The following PRKG1 variants were observed in gnomAD, a reference collection of about 807,000 sequenced individuals.
PRKG1 encodes the protein cGMP-dependent protein kinase 1.
Under a neutral mutation model 88.1 loss-of-function variants are expected in PRKG1, and 35 were observed. The ratio of observed to expected loss-of-function variants is 0.40; its 90% CI spans 0.30 to 0.53. The LOEUF (loss-of-function observed/expected upper bound fraction) is 0.53. Ranked by LOEUF, PRKG1 falls within the 20% of genes least tolerant of loss-of-function variation. The pLI is 0.59. For synonymous variants in PRKG1, 303 were observed against 292.5 expected (o/e 1.04, Z -0.37); for missense variants, 540 against 839.8 (o/e 0.64, Z 4.41).
chr10:52,083,695 A>AT (rs1054322527), intron 7 of PRKG1, among the ~76,000 whole-genome samples: 3 of 151,978 alleles, frequency 2.0e-5, no homozygotes, highest in African/African-American at 7.2e-5. Flanking sequence ...AGCAAAATCT[A>AT]TTTTTTCAGT....
At chr10:52,287,382 GA>G in intron 14 of PRKG1, among the ~76,000 whole-genome samples, 1 of 152,006 alleles carries the variant, frequency 6.6e-6, no homozygotes, top group South Asian at 2.1e-4. Flanking sequence ...AATCAAAGCA[GA>G]ATCCATCACA....
intron 3 of PRKG1, among the ~76,000 whole-genome samples, chr10:51,500,730 G>A (rs1213553338): frequency 6.6e-6 from 1 of 152,020 alleles, no homozygotes; most frequent in Non-Finnish European, 1.5e-5. Context: ...CCTTTACATT[G>A]GCTCACTTCA....
intron 9 of PRKG1, among the ~76,000 whole-genome samples, chr10:52,246,349 C>T (rs774719428): frequency 5.9e-5 from 9 of 151,940 alleles, no homozygotes; most frequent in South Asian, 2.1e-4. Context: ...TGTGCAGATA[C>T]GTGATTTTAG....
In PRKG1 at chr10:52,280,790, G is replaced by A. The variant is rs531873371; in HGVS notation, c.1405G>A (p.Gly469Ser). Residue 469 changes from glycine (G) to serine (S), a missense_variant and splice_region_variant, in exon 13 of 18, where the codon GGT becomes AGT. Gly to Ser is a moderately conservative substitution (Grantham distance 56, BLOSUM62 0). Transcript: ENST00000373980. Reference protein sequence around the residue: ...GELWTILRDRGSFEDSTTRFY... With the variant: ...GELWTILRDRSSFEDSTTRFY... ...TTTCATTCCATTTCTGCACCTCAGA[G>A]GTTCGTTTGAAGATTCTACAACCAG... 9.3e-6 allele frequency: 15 copies of A among 1,612,358 alleles called. No individual in the cohort carries two copies. In the African/African-American group the frequency reaches 1.7e-4, roughly 19 times the overall value.
chr10:52,065,423 C>T (rs1163517590), intron 7 of PRKG1, among the ~76,000 whole-genome samples: 5 of 152,118 alleles, frequency 3.3e-5, no homozygotes, highest in African/African-American at 9.7e-5. Context: ...TAAAAAATTA[C>T]ATTATGAGCC....
chr10:51,770,562 G>A (rs1465399924), intron 3 of PRKG1, among the ~76,000 whole-genome samples: 1 of 152,224 alleles, frequency 6.6e-6, no homozygotes, highest in Non-Finnish European at 1.5e-5. Context: ...CAGAGGAGGT[G>A]AGGGGGTGCG....
At chr10:51,386,083 GA>G (rs1837241752) in intron 2 of PRKG1, among the ~76,000 whole-genome samples, 1 of 152,168 alleles carries the variant, frequency 6.6e-6, no homozygotes, top group African/African-American at 2.4e-5. Flanking sequence ...TTGTGTTCTT[GA>G]AAATTATATG....
chr10:51,390,018 C>T (rs955034263), intron 2 of PRKG1, among the ~76,000 whole-genome samples: 2 of 152,188 alleles, frequency 1.3e-5, no homozygotes, highest in Non-Finnish European at 2.9e-5. Flanking sequence ...TCCCTAATTG[C>T]TTGATTCTAG....
chr10:51,206,483 C>G (rs1179022349), intron 2 of PRKG1, among the ~76,000 whole-genome samples: 1 of 147,142 alleles, frequency 6.8e-6, no homozygotes, highest in South Asian at 2.1e-4. Flanking sequence ...CAGAGCAAAA[C>G]TCCATCTAAA....
rs148603556 is a variant in PRKG1 at position 52,256,508 on chromosome 10, A to G, written c.1173+4842A>G. On this transcript the variant is annotated intron_variant, in intron 10 of 17. Coordinates refer to ENST00000373980, the MANE Select transcript of PRKG1 (RefSeq NM_006258.4). Reference sequence around the variant, plus strand: ...TGCTTTTCTTGTCTCTGAAATGATGATAATAATAGGATATGTACCTCACAA... The same window carrying G: ...TGCTTTTCTTGTCTCTGAAATGATGGTAATAATAGGATATGTACCTCACAA... Among the ~76,000 whole-genome samples the G allele has an allele frequency of 3.9e-4, 54 of 139,752 alleles. 4 individuals are homozygous for G. The highest frequency in any genetic ancestry group is 1.3e-3 in the African/African-American group (54 of 40,472). The allele number at this position is 139,752 out of a possible 152,430, so 91.7% of individuals were successfully genotyped here.
chr10:51,909,462 A>G (rs999037770), intron 5 of PRKG1: 2 of 152,166 alleles, frequency 1.3e-5, no homozygotes, highest in Non-Finnish European at 2.9e-5. Flanking sequence ...AAAAAAAAAG[A>G]GATAGTTATT....
At chr10:51,150,545 G>A (rs1199065884) in intron 1 of PRKG1, among the ~76,000 whole-genome samples, 3 of 152,116 alleles carry the variant, frequency 2.0e-5, no homozygotes, top group Admixed American at 6.6e-5. Context: ...ATCTTGCTGC[G>A]AGAGCAGAGA....
chr10:52,027,679 T>C (rs1376377271), intron 5 of PRKG1, among the ~76,000 whole-genome samples: 1 of 152,154 alleles, frequency 6.6e-6, no homozygotes, highest in Non-Finnish European at 1.5e-5. Context: ...GGAAAATGTG[T>C]CCCTTAGTCT....
intron 5 of PRKG1, among the ~76,000 whole-genome samples, chr10:51,945,284 CT>C (rs1564721074): frequency 3.3e-5 from 5 of 150,722 alleles, no homozygotes. Context: ...CAACCCCAGC[CT>C]TTTTTTGTTT....
intron 3 of PRKG1, among the ~76,000 whole-genome samples, chr10:51,670,600 G>A (rs1331387747): frequency 8.7e-5 from 13 of 148,742 alleles, no homozygotes; most frequent in Non-Finnish European, 1.8e-4. Flanking sequence ...GCCGGGCGTA[G>A]TGGCGGGCGC....
chr10:51,956,198 T>C (rs550704397), intron 5 of PRKG1, among the ~76,000 whole-genome samples: 1 of 152,174 alleles, frequency 6.6e-6, no homozygotes, highest in African/African-American at 2.4e-5. Flanking sequence ...ATTAGGATTA[T>C]TATTTTGTTG....
chr10:52,132,236 A>G (rs921593077), intron 7 of PRKG1, among the ~76,000 whole-genome samples: 1 of 152,182 alleles, frequency 6.6e-6, no homozygotes, highest in Non-Finnish European at 1.5e-5. Flanking sequence ...ATAAATATTA[A>G]TATAATACAA....
intron 1 of PRKG1, among the ~76,000 whole-genome samples, chr10:51,103,956 C>A (rs143639784): frequency 6.6e-6 from 1 of 152,250 alleles, no homozygotes; most frequent in African/African-American, 2.4e-5. Context: ...CATGGATTGG[C>A]TATGAAGGAC....
chr10:52,143,513 T>C (rs977266795), intron 8 of PRKG1, among the ~76,000 whole-genome samples: 1 of 152,174 alleles, frequency 6.6e-6, no homozygotes, highest in South Asian at 2.1e-4. Flanking sequence ...CATTACTTAC[T>C]GGATGTCAGT....
Sources: allele counts gnomAD v4.1 joint callset (sites outside exome capture counted in the v4.1 genomes callset), GRCh38; gene constraint gnomAD v4.1.1; transcripts MANE v1.5; gene names NCBI Gene and HGNC (gene_info 2026-07-23, HGNC 2026-07-21).